The following C17orf67 variants were observed in gnomAD, a reference collection of about 807,000 sequenced individuals.
The protein encoded by C17orf67 is uncharacterized protein C17orf67.
In C17orf67, 12 loss-of-function variants were observed where a neutral mutation model predicts 11.2. The ratio of observed to expected loss-of-function variants is 1.07; its 90% CI spans 0.68 to 1.73. The LOEUF (loss-of-function observed/expected upper bound fraction) is 1.73, where lower values mean the gene tolerates loss of function less well. Among genes scored for constraint, C17orf67 ranks in the 40% most tolerant of loss-of-function variants. The pLI, the probability that C17orf67 is intolerant of heterozygous loss-of-function variation, is 0.00. For missense variants in C17orf67, 115 were observed against 113.5 expected, an observed-to-expected ratio of 1.01 and a Z score of -0.06; for synonymous variants, 59 against 46.9, an observed-to-expected ratio of 1.26 and a Z score of -1.05.
chr17:56,830,460 T>C (rs1906167596), intron 2 of C17orf67, among the ~76,000 whole-genome samples: 1 of 152,166 alleles, frequency 6.6e-6, no homozygotes, highest in Non-Finnish European at 1.5e-5. Flanking sequence ...ATAGTGGATA[T>C]TTTTCAAAAA....
In C17orf67 at chr17:56,795,164, A is replaced by C; in HGVS notation, c.173T>G (p.Leu58Arg). The C allele has an allele frequency of 6.2e-7, 1 of 1,614,142 alleles. No homozygotes were observed. Among genetic ancestry groups the C allele is most frequent in the Non-Finnish European group, 8.5e-7 (1 of 1,180,018 alleles). The stretch of plus-strand genomic sequence containing the variant: ...CTCAGCGCGATGCTCCAGGGCGAGC[A>C]GGTGGTGCATGTATTCCTGTCAAAA... ...DEPMREYMHH[L>R]LALEHRAEEQ... Residue 58 changes from leucine (L) to arginine (R), a missense_variant, in exon 7 of 8, where the codon CTG (leucine) becomes CGG (arginine). Physicochemically the swap from Leu to Arg is moderately radical, Grantham distance 102. Transcript: ENST00000397861.
intron 6 of C17orf67, among the ~76,000 whole-genome samples, chr17:56,812,373 A>G (rs1256631450): frequency 6.6e-6 from 1 of 152,206 alleles, no homozygotes; most frequent in Non-Finnish European, 1.5e-5. Flanking sequence ...CACAGGTGTA[A>G]CCACCAAAAA....
chr17:56,795,716 A>G (rs1347625121), intron 6 of C17orf67, among the ~76,000 whole-genome samples: 1 of 152,242 alleles, frequency 6.6e-6, no homozygotes, highest in Non-Finnish European at 1.5e-5. Flanking sequence ...TATAGCAGCA[A>G]TAAATTTGTC....
At chr17:56,796,938 G>A (rs1435117588) in intron 6 of C17orf67, among the ~76,000 whole-genome samples, 1 of 152,028 alleles carries the variant, frequency 6.6e-6, no homozygotes, top group African/African-American at 2.4e-5. Context: ...CCTGCAAGGA[G>A]TCAGCATCTG....
chr17:56,821,176 G>A (rs1230339623), intron 4 of C17orf67, among the ~76,000 whole-genome samples: 1 of 151,898 alleles, frequency 6.6e-6, no homozygotes, highest in East Asian at 1.9e-4. Context: ...TACCCCCTTG[G>A]CCTCCCAAAG....
intron 2 of C17orf67, among the ~76,000 whole-genome samples, chr17:56,827,113 A>G (rs1281119892): frequency 6.6e-6 from 1 of 152,250 alleles, no homozygotes; most frequent in Non-Finnish European, 1.5e-5. Context: ...AGTATATAAC[A>G]TTCTCAAAAC....
chr17:56,816,849 C>CTTGGT (rs1262526826), intron 4 of C17orf67, among the ~76,000 whole-genome samples: 2 of 152,014 alleles, frequency 1.3e-5, no homozygotes, highest in South Asian at 2.1e-4. Flanking sequence ...TTTGGTTTGG[C>CTTGGT]TTGGTTTGGT....
chr17:56,828,853 C>CAA (rs11346468), intron 2 of C17orf67, among the ~76,000 whole-genome samples: 4,524 of 122,980 alleles, frequency 0.037, 141 homozygotes, highest in African/African-American at 0.085. Context: ...ACAGTGATGA[C>CAA]AAAAAAAAAA....
At chr17:56,830,911 G>T (rs1457074266) in intron 2 of C17orf67, among the ~76,000 whole-genome samples, 1 of 152,202 alleles carries the variant, frequency 6.6e-6, no homozygotes, top group Non-Finnish European at 1.5e-5. Context: ...GAACTTTGTA[G>T]GAAAAGGGGG....
At position 56,820,885 on chromosome 17, in the gene C17orf67, G is replaced by C. The variant is rs142211519; in HGVS notation, c.-201+3854C>G. Among the ~76,000 whole-genome samples the C allele has an allele frequency of 1.1e-3, 162 of 145,586 alleles. 1 individual carries two copies. The East Asian group carries it at 0.033, about 29-fold the overall frequency. On this transcript the variant is annotated intron_variant, in intron 4 of 7. Transcript: ENST00000397861. The stretch of plus-strand genomic sequence containing the variant: ...CTAAATGTCATCACACTGAACTATA[G>C]AAACTTTAGAGACAAGAGAACTTCG...
chr17:56,799,792 G>A (rs895574676), intron 6 of C17orf67, among the ~76,000 whole-genome samples: 4 of 152,202 alleles, frequency 2.6e-5, no homozygotes, highest in Admixed American at 1.3e-4. Context: ...GTGGCATCTC[G>A]TTGTTTTAAG....
chr17:56,820,566 A>C (rs959799731), intron 4 of C17orf67, among the ~76,000 whole-genome samples: 6 of 152,186 alleles, frequency 3.9e-5, no homozygotes, highest in African/African-American at 1.4e-4. Context: ...AGAACATGCA[A>C]ACTCCACACA....
intron 6 of C17orf67, among the ~76,000 whole-genome samples, chr17:56,799,313 G>A (rs1905268854): frequency 6.6e-6 from 1 of 152,184 alleles, no homozygotes; most frequent in African/African-American, 2.4e-5. Context: ...ATGTCATACA[G>A]TTAGAATCAC....
chr17:56,819,190 C>T (rs978150063), intron 4 of C17orf67, among the ~76,000 whole-genome samples: 1 of 152,138 alleles, frequency 6.6e-6, no homozygotes, highest in Non-Finnish European at 1.5e-5. Context: ...GCCATCTGGC[C>T]ACACTCACTC....
At chr17:56,821,490 C>A (rs1220338277) in intron 4 of C17orf67, among the ~76,000 whole-genome samples, 1 of 152,092 alleles carries the variant, frequency 6.6e-6, no homozygotes, top group East Asian at 1.9e-4. Context: ...GGGTCTAGAT[C>A]CTTCCATCTC....
chr17:56,799,502 A>G (rs539930271), intron 6 of C17orf67, among the ~76,000 whole-genome samples: 1 of 152,288 alleles, frequency 6.6e-6, no homozygotes, highest in East Asian at 1.9e-4. Flanking sequence ...GTTGCTTCCA[A>G]ATTGGAGTAA....
At chr17:56,809,155 G>A (rs568473139) in intron 6 of C17orf67, among the ~76,000 whole-genome samples, 6 of 151,932 alleles carry the variant, frequency 3.9e-5, no homozygotes, top group African/African-American at 1.2e-4. Flanking sequence ...GTGCAATAGC[G>A]CATCCAAAAC....
intron 2 of C17orf67, among the ~76,000 whole-genome samples, chr17:56,831,854 G>GCCT (rs371195095): frequency 3.6e-4 from 55 of 152,130 alleles, no homozygotes; most frequent in African/African-American, 1.3e-3. Flanking sequence ...TTTCAACTAG[G>GCCT]CCTCCACCTT....
intron 4 of C17orf67, among the ~76,000 whole-genome samples, chr17:56,824,389 T>C (rs1905976982): frequency 6.6e-6 from 1 of 152,198 alleles, no homozygotes; most frequent in African/African-American, 2.4e-5. Context: ...ATGAACCATT[T>C]TTCTTTCTAA....
Sources: gnomAD v4.1 joint callset for allele counts (sites outside exome capture counted in the v4.1 genomes callset) on GRCh38, gnomAD v4.1.1 for gene constraint, MANE v1.5 for transcripts, NCBI Gene and HGNC (gene_info 2026-07-23, HGNC 2026-07-21) for gene names.